Variants in LAIR1 observed in about 807,000 individuals in gnomAD.
LAIR1 encodes the protein leukocyte-associated immunoglobulin-like receptor 1.
In LAIR1, 24 loss-of-function variants were observed where a neutral mutation model predicts 32.8. That is an observed-to-expected ratio of 0.73 (90% confidence interval 0.53 to 1.03). The LOEUF is 1.03. Ranked by LOEUF, LAIR1 falls within the 50% of genes least tolerant of loss-of-function variation. The probability of loss-of-function intolerance (pLI) is 0.00; values close to 1 mark genes in which losing one functional copy is unlikely to be tolerated. For missense variants in LAIR1, 355 were observed against 347.5 expected, an observed-to-expected ratio of 1.02 and a Z score of -0.17; for synonymous variants, 150 against 140.5, an observed-to-expected ratio of 1.07 and a Z score of -0.48.
chr19:54,369,539 A>G (rs930962467), upstream of LAIR1, among the ~76,000 whole-genome samples: 2 of 151,344 alleles, frequency 1.3e-5, no homozygotes, highest in African/African-American at 4.9e-5. Context: ...GCATTCCTCT[A>G]AGACCTTTCC....
At chr19:54,356,760 C>A in intron 5 of LAIR1, 141 bp from the exon 6 acceptor site, 1 of 1,161,876 alleles carries the variant, frequency 8.6e-7, no homozygotes, top group South Asian at 1.4e-5. Flanking sequence ...GTACAGGGAT[C>A]GTTATCCCCT....
rs1359270810 is a variant in LAIR1 at position 54,353,765 on chromosome 19, C to T, written c.*1503G>A. 10 of 151,716 alleles carry T rather than the reference C, an allele frequency of 6.6e-5. No individual in the cohort carries two copies. Among genetic ancestry groups the T allele is most frequent in the Admixed American group, 6.6e-4 (10 of 15,210 alleles). 9.4% of individuals were successfully genotyped at this position (151,716 alleles called of 1,614,324 possible). On this transcript the variant is annotated 3_prime_UTR_variant, in exon 10 of 10. Transcript: ENST00000391742. ...TCTTTTCTTTTTTGACGGAGTCTCG[C>T]TCTGTCGCCCAGGCTGGAGTGCAGT...
At chr19:54,362,548 G>A (rs28379823) in intron 2 of LAIR1, among the ~76,000 whole-genome samples, 22,451 of 152,138 alleles carry the variant, frequency 0.15, 1,934 homozygotes, top group Non-Finnish European at 0.2. Flanking sequence ...GCAGTGGCGC[G>A]ATCTCAGCTC....
chr19:54,375,790 G>C, the LAIR1 span, among the ~76,000 whole-genome samples: 2 of 151,938 alleles, frequency 1.3e-5, no homozygotes, highest in Non-Finnish European at 2.9e-5. Flanking sequence ...TGTCAGAGAC[G>C]AGCCACACAA....
upstream of LAIR1, among the ~76,000 whole-genome samples, chr19:54,367,089 A>G (rs2082281373): frequency 6.6e-6 from 1 of 152,202 alleles, no homozygotes; most frequent in Non-Finnish European, 1.5e-5. Context: ...ATATACACCT[A>G]CTATGTATAC....
Position 54,355,726 on chromosome 19 carries a change from A to C in LAIR1, c.717+228T>G, listed in dbSNP as rs761063037. The stretch of plus-strand genomic sequence containing the variant: ...GGAGAGGCCCCTGTGAGAGGAACAG[A>C]GGTTTCCTGCCCACAGCCGGGGAAG... On this transcript the variant is annotated intron_variant, in intron 9 of 9. Transcript: ENST00000391742. This position sits in a 1 kb window ranked among gnomAD's most constrained non-coding sequence, Gnocchi z 4.7. 3.3e-5 allele frequency among the ~76,000 whole-genome samples: 5 copies of C among 152,078 alleles called. No individual in the cohort carries two copies. The highest frequency in any genetic ancestry group is 5.9e-5 in the Non-Finnish European group (4 of 68,024).
In LAIR1 at chr19:54,361,024, A is replaced by G. The variant is rs2081994617; in HGVS notation, c.256T>C (p.Phe86Leu). 2 of 1,614,076 alleles carry G rather than the reference A, an allele frequency of 1.2e-6. No homozygotes were observed. The highest frequency in any genetic ancestry group is 2.7e-5 in the African/African-American group (2 of 74,944). The change falls in exon 3 of 10, where the codon TTC becomes CTC. Residue 86 changes from phenylalanine (F) to leucine (L), a missense_variant. Physicochemically the swap from Phe to Leu is conservative, Grantham distance 22. Coordinates refer to ENST00000391742, the MANE Select transcript of LAIR1 (RefSeq NM_002287.6). Reference sequence around the variant, plus strand: ...CCTTCTCTTACTGAGTCAATGCGGAATCTGGCCTCTGACTCAGATGGACTA... The same window carrying G: ...CCTTCTCTTACTGAGTCAATGCGGAGTCTGGCCTCTGACTCAGATGGACTA... ...QASPSESEAR[F>L]RIDSVREGNA... is the part of the protein sequence containing the mutation.
intron 4 of LAIR1, 24 bp from the exon 5 acceptor site, chr19:54,356,990 G>A (rs1451891923): frequency 6.2e-7 from 1 of 1,612,242 alleles, no homozygotes; most frequent in South Asian, 1.1e-5. Flanking sequence ...ATCAGAAGGA[G>A]GAGGAGTTAG....
chr19:54,355,929 T>A lies in LAIR1; in HGVS notation c.717+25A>T. ...TTTTAAGCTGCTAAATTTGGGGTAC[T>A]TTAATAACTAGTAGGAAGGCTCACC... On this transcript the variant is annotated intron_variant, in intron 9 of 9. Coordinates refer to ENST00000391742, the MANE Select transcript of LAIR1 (RefSeq NM_002287.6). This position sits in a 1 kb window ranked among gnomAD's most constrained non-coding sequence, Gnocchi z 4.7. 1 of 1,522,870 alleles carries A rather than the reference T, an allele frequency of 6.6e-7. No individual in the cohort carries two copies. The highest frequency in any genetic ancestry group is 9.1e-7 in the Non-Finnish European group (1 of 1,096,280). 94.3% of individuals were successfully genotyped at this position (1,522,870 alleles called of 1,614,324 possible). A position where few individuals can be genotyped will look rare whatever the true frequency, so the allele number is the denominator to read the frequency against.
upstream of LAIR1, among the ~76,000 whole-genome samples, chr19:54,369,358 G>T (rs1229393124): frequency 6.6e-6 from 1 of 151,406 alleles, no homozygotes; most frequent in Non-Finnish European, 1.5e-5. Context: ...GGAAGGTTGG[G>T]GGGCAAGGAT....
At position 54,353,588 on chromosome 19, in the gene LAIR1, T is replaced by C. The variant is rs1398881825; in HGVS notation, c.*1680A>G. 1 of 152,094 alleles carries C rather than the reference T, an allele frequency of 6.6e-6. No individual in the cohort carries two copies. Among genetic ancestry groups the C allele is most frequent in the South Asian group, 2.1e-4 (1 of 4,826 alleles). The allele number at this position is 152,094 out of a possible 1,614,324, so 9.4% of individuals were successfully genotyped here. A position where few individuals can be genotyped will look rare whatever the true frequency, so the allele number is the denominator to read the frequency against. ...TTCATGTCTCGGTCCATAGTTTCTGTTTTTATAAATGAGGAAAATAATAGA... is the reference window on the plus strand; with the variant it reads ...TTCATGTCTCGGTCCATAGTTTCTGCTTTTATAAATGAGGAAAATAATAGA... On this transcript the variant is annotated 3_prime_UTR_variant, in exon 10 of 10. Coordinates refer to ENST00000391742, the MANE Select transcript of LAIR1 (RefSeq NM_002287.6).
intron 5 of LAIR1, 73 bp from the exon 6 acceptor site, chr19:54,356,692 C>T (rs1346493944): frequency 1.4e-6 from 2 of 1,457,688 alleles, no homozygotes; most frequent in South Asian, 1.1e-5. Flanking sequence ...ACACACGTCA[C>T]GTGCGTTTCA....
upstream of LAIR1, among the ~76,000 whole-genome samples, chr19:54,369,416 G>T (rs1197437464): frequency 6.6e-6 from 1 of 151,428 alleles, no homozygotes; most frequent in Non-Finnish European, 1.5e-5. Context: ...ACATCCGTCT[G>T]TTCCTCCACA....
chr19:54,360,585 A>G (rs769700131), intron 3 of LAIR1: 3 of 465,712 alleles, frequency 6.4e-6, no homozygotes, highest in African/African-American at 5.8e-5. Context: ...GTGTGAAAAG[A>G]CACTCATCCT....
intron 2 of LAIR1, among the ~76,000 whole-genome samples, chr19:54,362,433 G>A (rs2363047): frequency 8.6e-4 from 131 of 152,284 alleles, no homozygotes; most frequent in African/African-American, 2.9e-3. Context: ...GATGCCTGCC[G>A]TTTGGAGGTG....
rs937571759 is a variant in LAIR1, at chr19:54,364,583, G to C, written c.34+188C>G. On this transcript the variant is annotated intron_variant, in intron 1 of 9. Transcript: ENST00000391742. The surrounding 1 kb of genome is among the most constrained non-coding windows in gnomAD (Gnocchi z 4.8). ...TAAAGCTGACCTCATCCCCACACCC[G>C]GGCCCCTGTTTTTAGGACAAGATCT... The C allele has an allele frequency of 1.2e-6, 1 of 801,914 alleles. No homozygotes were observed. The highest frequency in any genetic ancestry group is 2.2e-6 in the Non-Finnish European group (1 of 458,994). The allele number at this position is 801,914 out of a possible 1,614,324, so 49.7% of individuals were successfully genotyped here.
upstream of LAIR1, among the ~76,000 whole-genome samples, chr19:54,372,055 T>G (rs1238109566): frequency 6.6e-6 from 1 of 151,688 alleles, no homozygotes. Flanking sequence ...AAGGGCATCT[T>G]GGTTGCTTCC....
chr19:54,364,368 C>G lies in LAIR1; in HGVS notation c.35-38G>C. 2.5e-6 allele frequency: 4 copies of G among 1,613,818 alleles called. No homozygotes were observed. Among genetic ancestry groups the G allele is most frequent in the Non-Finnish European group, 3.4e-6 (4 of 1,179,798 alleles). On this transcript the variant is annotated intron_variant, in intron 1 of 9. Coordinates refer to ENST00000391742, the MANE Select transcript of LAIR1 (RefSeq NM_002287.6). This position sits in a 1 kb window ranked among gnomAD's most constrained non-coding sequence, Gnocchi z 4.8. Reference sequence around the variant, plus strand: ...CCCCAGTGAGAAAAATGCCCAGTGCCCAGTCTCCTTACGGGGCTGCTGTCA... The same window carrying G: ...CCCCAGTGAGAAAAATGCCCAGTGCGCAGTCTCCTTACGGGGCTGCTGTCA...
chr19:54,356,442 C>A (rs1226779283), intron 6 of LAIR1, 44 bp from the exon 7 acceptor site: 1 of 1,610,946 alleles, frequency 6.2e-7, no homozygotes, highest in Admixed American at 1.7e-5. Flanking sequence ...TTCTTCCTAG[C>A]CTCTCCTGAC....
Sources: allele counts gnomAD v4.1 joint callset (sites outside exome capture counted in the v4.1 genomes callset), GRCh38; gene constraint gnomAD v4.1.1; non-coding constraint Gnocchi (gnomAD v3.1); transcripts MANE v1.5; gene names NCBI Gene and HGNC (gene_info 2026-07-23, HGNC 2026-07-21).